Variants in HDHD5 observed in about 807,000 individuals in gnomAD.
The protein encoded by HDHD5 is haloacid dehalogenase-like hydrolase domain-containing 5.
HDHD5 carries 34 observed loss-of-function variants against 35.5 expected under a neutral mutation model. The ratio of observed to expected loss-of-function variants is 0.96; its 90% CI spans 0.73 to 1.28. The LOEUF is 1.28. Ranked by LOEUF, HDHD5 falls within the 50% of genes most tolerant of loss-of-function variation. HDHD5 has a pLI of 0.00. For missense variants in HDHD5, 589 were observed against 560.2 expected (o/e 1.05, Z -0.52); for synonymous variants, 248 against 240.6 (o/e 1.03, Z -0.29).
chr22:17,158,914 G>A (rs944963599), intron 1 of HDHD5: 4 of 358,194 alleles, frequency 1.1e-5, no homozygotes, highest in South Asian at 1.4e-4. Context: ...CTCTCCCGCG[G>A]GAGTAGCGTT....
chr22:17,150,298 T>C (rs1208239228), intron 1 of HDHD5, among the ~76,000 whole-genome samples: 3 of 152,224 alleles, frequency 2.0e-5, no homozygotes, highest in Non-Finnish European at 4.4e-5. Flanking sequence ...GATTTTATTA[T>C]AGCAAAAAGT....
In HDHD5 at chr22:17,149,757, G is replaced by A. The variant is rs2286957; in HGVS notation, c.127-12C>T. 0.018 allele frequency: 28,442 copies of A among 1,612,502 alleles called. 2,938 individuals are homozygous for A. In the Admixed American group the frequency reaches 0.23, roughly 13 times the overall value. On this transcript the variant is annotated splice_polypyrimidine_tract_variant and intron_variant, in intron 1 of 7. Transcript: ENST00000336737. Reference sequence around the variant, plus strand: ...AAGGTGGGTGGGCTCTGCAGAGATGGTAAGATAATTACCAGTACGTGAGTA... The same window carrying A: ...AAGGTGGGTGGGCTCTGCAGAGATGATAAGATAATTACCAGTACGTGAGTA...
At chr22:17,141,711 C>T (rs957651219) in intron 5 of HDHD5, 6 of 657,912 alleles carry the variant, frequency 9.1e-6, no homozygotes, top group Non-Finnish European at 1.1e-5. Flanking sequence ...TGACTGTGGC[C>T]AAGTAACTTC....
chr22:17,156,666 C>G (rs2061795560), intron 1 of HDHD5, among the ~76,000 whole-genome samples: 1 of 151,848 alleles, frequency 6.6e-6, no homozygotes, highest in Non-Finnish European at 1.5e-5. Flanking sequence ...CTCCCAGTTA[C>G]TCCGGAGGCT....
At position 17,141,081 on chromosome 22, in the gene HDHD5, T is replaced by A. The variant is rs1455321333; in HGVS notation, c.724A>T (p.Met242Leu). The change falls in exon 6 of 8, where the codon ATG becomes TTG. Residue 242 changes from methionine (M) to leucine (L), a missense_variant. Met to Leu is a conservative substitution (Grantham distance 15). Transcript: ENST00000336737. Reference protein sequence around the residue: ...VLASNMDLLWMAEAKMPRFGH... With the variant: ...VLASNMDLLWLAEAKMPRFGH... Reference sequence around the variant, plus strand: ...CACCTGGGCATCTTGGCTTCAGCCATCCACAGGAGATCCATGTTGCTGGCT... The same window carrying A: ...CACCTGGGCATCTTGGCTTCAGCCAACCACAGGAGATCCATGTTGCTGGCT... 1.9e-6 allele frequency: 3 copies of A among 1,590,680 alleles called. No individual in the cohort carries two copies. The highest frequency in any genetic ancestry group is 1.7e-6 in the Non-Finnish European group (2 of 1,169,988).
chr22:17,157,631 G>A (rs909418901), intron 1 of HDHD5, among the ~76,000 whole-genome samples: 6 of 152,120 alleles, frequency 3.9e-5, no homozygotes, highest in Non-Finnish European at 7.3e-5. Flanking sequence ...AAATAAGGGC[G>A]ATATTTCCTT....
chr22:17,145,325 T>C (rs2061649754), intron 3 of HDHD5, among the ~76,000 whole-genome samples: 1 of 152,192 alleles, frequency 6.6e-6, no homozygotes, highest in African/African-American at 2.4e-5. Context: ...GGGCAGCTCC[T>C]GGGTAACCCA....
At chr22:17,159,433 G>A (rs1327943944), upstream of HDHD5, 1 of 655,510 alleles carries the variant, frequency 1.5e-6, no homozygotes, top group Non-Finnish European at 2.5e-6. Flanking sequence ...CCGTTGCAAG[G>A]AAGAAGTGCG....
At chr22:17,159,513 G>A (rs754198877), upstream of HDHD5, 23 of 469,800 alleles carry the variant, frequency 4.9e-5, no homozygotes, top group Non-Finnish European at 9.1e-5. Flanking sequence ...CGGCCTGGGC[G>A]GCGGCGTCCG....
At chr22:17,144,572 C>A (rs887809816) in intron 4 of HDHD5, among the ~76,000 whole-genome samples, 5 of 152,076 alleles carry the variant, frequency 3.3e-5, no homozygotes, top group Admixed American at 6.6e-5. Flanking sequence ...CATCACTGTG[C>A]CCAGCTAATT....
At chr22:17,150,672 C>T (rs2061716396) in intron 1 of HDHD5, among the ~76,000 whole-genome samples, 1 of 152,124 alleles carries the variant, frequency 6.6e-6, no homozygotes, top group Non-Finnish European at 1.5e-5. Flanking sequence ...GTGCACCCCA[C>T]CATGCCCACC....
chr22:17,159,539 C>G (rs753160847), upstream of HDHD5: 2 of 454,690 alleles, frequency 4.4e-6, no homozygotes, highest in South Asian at 3.2e-5. Context: ...TCGCCCTGTG[C>G]CTGCGGATCC....
Position 17,165,069 on chromosome 22 carries a change from G to A in HDHD5, c.36+140C>T. On this transcript the variant is annotated intron_variant, in intron 1 of 7. Coordinates refer to the HDHD5 transcript ENST00000155674. ...ACACACATACACACTCAGTCTTGCT[G>A]AGGGAGAATTCTGAGAAGGTGGAGT... is the stretch of plus-strand genomic sequence containing the variant. The A allele has an allele frequency of 8.9e-6, 6 of 676,116 alleles. 1 individual carries two copies. In the South Asian group the frequency reaches 9.4e-5, roughly 11 times the overall value. The allele number at this position is 676,116 out of a possible 1,614,324, so 41.9% of individuals were successfully genotyped here.
chr22:17,154,889 T>G (rs1035725654), intron 1 of HDHD5, among the ~76,000 whole-genome samples: 3 of 152,010 alleles, frequency 2.0e-5, no homozygotes, highest in African/African-American at 7.3e-5. Flanking sequence ...ACTCCCAAAG[T>G]GCTCAGATTA....
intron 3 of HDHD5, among the ~76,000 whole-genome samples, chr22:17,145,823 A>G (rs2061656273): frequency 6.6e-6 from 1 of 152,270 alleles, no homozygotes; most frequent in South Asian, 2.1e-4. Flanking sequence ...TGGGGAGTCC[A>G]GAGGAGTCAT....
intron 2 of HDHD5, among the ~76,000 whole-genome samples, chr22:17,148,848 C>T (rs2061695025): frequency 6.6e-6 from 1 of 152,196 alleles, no homozygotes; most frequent in African/African-American, 2.4e-5. Flanking sequence ...TTGGATTTCC[C>T]AAGCCCCCAC....
chr22:17,150,561 G>A (rs960432774), intron 1 of HDHD5, among the ~76,000 whole-genome samples: 12 of 145,878 alleles, frequency 8.2e-5, no homozygotes, highest in South Asian at 6.5e-4. Flanking sequence ...CTCTGTCGCC[G>A]AGACTGGAGT....
chr22:17,147,666 C>G (rs1479674217), intron 3 of HDHD5, among the ~76,000 whole-genome samples: 1 of 144,600 alleles, frequency 6.9e-6, no homozygotes, highest in Non-Finnish European at 1.5e-5. Context: ...CTGTGGCACA[C>G]TCCTGTGAGC....
intron 4 of HDHD5, among the ~76,000 whole-genome samples, chr22:17,144,679 G>A (rs1384104990): frequency 6.6e-6 from 1 of 152,022 alleles, no homozygotes; most frequent in Non-Finnish European, 1.5e-5. Flanking sequence ...CTCCCAAAGT[G>A]CTGGAATTAC....
Sources: gnomAD v4.1 joint callset for allele counts (sites outside exome capture counted in the v4.1 genomes callset) on GRCh38, gnomAD v4.1.1 for gene constraint, MANE v1.5 for transcripts, NCBI Gene and HGNC (gene_info 2026-07-23, HGNC 2026-07-21) for gene names.